The following ACSS1 variants were observed in gnomAD, a reference collection of about 807,000 sequenced individuals.
ACSS1 encodes the protein acyl-CoA synthetase short chain family member 1.
In ACSS1, 42 loss-of-function variants were observed where a neutral mutation model predicts 75.3. The ratio of observed to expected loss-of-function variants is 0.56; its 90% CI spans 0.44 to 0.72. ACSS1 has a LOEUF of 0.72. ACSS1 is among the 30% of genes least tolerant of loss of function. The pLI, the probability that ACSS1 is intolerant of heterozygous loss-of-function variation, is 0.00. For missense variants in ACSS1, 782 were observed against 935.7 expected, an observed-to-expected ratio of 0.84 and a Z score of 2.14; for synonymous variants, 380 against 376.8, an observed-to-expected ratio of 1.01 and a Z score of -0.10.
chr20:25,010,023 C>A (rs1296437819), intron 12 of ACSS1: 1 of 152,606 alleles, frequency 6.6e-6, no homozygotes, highest in South Asian at 2.1e-4. Context: ...TTTTTCAGTA[C>A]CCTGGCATGT....
chr20:25,037,777 T>A (rs1280849614), intron 2 of ACSS1, among the ~76,000 whole-genome samples: 1 of 152,238 alleles, frequency 6.6e-6, no homozygotes, highest in African/African-American at 2.4e-5. Context: ...ACGCAAAGCA[T>A]GGATGGCCAG....
intron 10 of ACSS1, 148 bp from the exon 11 acceptor site, chr20:25,013,087 T>A: frequency 8.1e-7 from 1 of 1,240,232 alleles, no homozygotes; most frequent in Non-Finnish European, 1.1e-6. Flanking sequence ...CCCTATGTTC[T>A]AGAGCATGGG....
chr20:25,042,758 C>T (rs1323066060), intron 2 of ACSS1, among the ~76,000 whole-genome samples: 1 of 152,134 alleles, frequency 6.6e-6, no homozygotes, highest in Non-Finnish European at 1.5e-5. Context: ...CACCCACTCT[C>T]GGCCCCAGCA....
At chr20:25,046,904 G>C in intron 2 of ACSS1, 1 of 779,692 alleles carries the variant, frequency 1.3e-6, no homozygotes, top group Non-Finnish European at 2.4e-6. Context: ...TGTATAGGCT[G>C]TGAGTCTGGC....
chr20:25,006,476 C>T lies in ACSS1; in HGVS notation c.*1286G>A. ...CACCACCTCCTGGGCTTCACAGGTT[C>T]ACTCACCCAAGAGGCCAGCACAACC... On this transcript the variant is annotated 3_prime_UTR_variant, in exon 14 of 14. Coordinates refer to ENST00000323482, the MANE Select transcript of ACSS1 (RefSeq NM_032501.4). The T allele has an allele frequency of 4.6e-6, 1 of 215,480 alleles. No homozygotes were observed. Among genetic ancestry groups the T allele is most frequent in the Admixed American group, 5.1e-5 (1 of 19,452 alleles). The allele number at this position is 215,480 out of a possible 1,614,324, so 13.3% of individuals were successfully genotyped here. A position where few individuals can be genotyped will look rare whatever the true frequency, so the allele number is the denominator to read the frequency against.
intron 13 of ACSS1, 86 bp downstream of exon 13, chr20:25,009,184 G>A (rs2088363895): frequency 3.3e-6 from 4 of 1,198,438 alleles, no homozygotes; most frequent in East Asian, 4.7e-5. Context: ...TTGGAAAAGA[G>A]TAATATGCTC....
At chr20:25,053,947 G>A (rs1304088011) in intron 1 of ACSS1, among the ~76,000 whole-genome samples, 1 of 152,212 alleles carries the variant, frequency 6.6e-6, no homozygotes, top group African/African-American at 2.4e-5. Flanking sequence ...CTGACATCTT[G>A]AGTTGATATG....
intron 3 of ACSS1, among the ~76,000 whole-genome samples, chr20:25,030,078 G>C (rs975984014): frequency 6.6e-5 from 10 of 152,288 alleles, no homozygotes; most frequent in African/African-American, 2.2e-4. Context: ...ACAGGAGTCT[G>C]AGAACTCTAC....
At chr20:25,012,393 A>G in intron 12 of ACSS1, 1 of 626,958 alleles carries the variant, frequency 1.6e-6, no homozygotes, top group Non-Finnish European at 2.8e-6. Flanking sequence ...AAAGGACAGC[A>G]GAACCAGGGC....
rs1255663951 is a variant in ACSS1 at position 25,058,028 on chromosome 20, C to T, written c.75G>A (p.Ala25=). ...GCGCGCTCACCCCGCACGGCGGCCG[C>T]GCGGGCTGCCCCGAGAGCCCTCGCA... The part of the protein sequence containing the change: ...GSLRGLSGQP[A]RPPCGVSAPR... The change falls in exon 1 of 14, where the codon GCG becomes GCA. Residue 25 remains alanine, a synonymous_variant. Transcript: ENST00000323482. 12 of 1,381,832 alleles carry T rather than the reference C, an allele frequency of 8.7e-6. 1 individual carries two copies. Among genetic ancestry groups the T allele is most frequent in the African/African-American group, 4.6e-5 (3 of 65,420 alleles). 85.6% of individuals were successfully genotyped at this position (1,381,832 alleles called of 1,614,324 possible).
chr20:25,056,401 T>C (rs1057131087), intron 1 of ACSS1, among the ~76,000 whole-genome samples: 4 of 152,194 alleles, frequency 2.6e-5, no homozygotes, highest in Admixed American at 6.5e-5. Context: ...AAAACACTTA[T>C]CTAGTAAGTG....
intron 1 of ACSS1, among the ~76,000 whole-genome samples, chr20:25,053,060 C>CTTTTTTT (rs1171891974): frequency 5.9e-5 from 7 of 118,130 alleles, no homozygotes; most frequent in Middle Eastern, 4.5e-3. Flanking sequence ...TCACAATGAG[C>CTTTTTTT]TTTTTTTTTT....
chr20:25,032,360 C>T, intron 2 of ACSS1: 2 of 1,349,212 alleles, frequency 1.5e-6, no homozygotes, highest in African/African-American at 1.5e-5. Flanking sequence ...GCGAGAGCCG[C>T]CAACTTGCCG....
At chr20:25,015,032 T>C in intron 8 of ACSS1, 106 bp downstream of exon 8, 4 of 966,262 alleles carry the variant, frequency 4.1e-6, no homozygotes, top group Non-Finnish European at 4.5e-6. Flanking sequence ...CGTTGAAGCG[T>C]CTTCTATCGC....
chr20:25,052,250 G>A (rs761666208), intron 1 of ACSS1, among the ~76,000 whole-genome samples: 3 of 152,186 alleles, frequency 2.0e-5, no homozygotes, highest in Non-Finnish European at 2.9e-5. Context: ...AAAAAAATCT[G>A]CCCAAAGAAA....
chr20:25,032,433 T>C, intron 2 of ACSS1: 1 of 1,390,236 alleles, frequency 7.2e-7, no homozygotes, highest in Non-Finnish European at 9.4e-7. Flanking sequence ...TTTCGGCGCC[T>C]CATCCCTCTG....
At chr20:25,049,693 C>T (rs1044062768) in intron 1 of ACSS1, among the ~76,000 whole-genome samples, 3 of 152,150 alleles carry the variant, frequency 2.0e-5, no homozygotes, top group Non-Finnish European at 4.4e-5. Context: ...AGAGCCTCCA[C>T]GGAGACAGCG....
At chr20:25,023,230 T>A in intron 4 of ACSS1, 138 bp from the exon 5 acceptor site, 1 of 1,242,874 alleles carries the variant, frequency 8.0e-7, no homozygotes, top group Non-Finnish European at 1.1e-6. Context: ...ATTCCAAATG[T>A]GGAAAGGACA....
rs775366700 is a variant in ACSS1, at chr20:25,057,896, C to T, written c.207G>A (p.Pro69=). ...PALSAQAARE[P]AAFWGPLARD... ...GCGCCAGAGGCCCCCAGAAGGCGGC[C>T]GGCTCCCGGGCTGCCTGTGCACTCA... The change falls in exon 1 of 14, where the codon CCG becomes CCA. Residue 69 remains proline (P), a synonymous_variant. Transcript: ENST00000323482. The T allele has an allele frequency of 2.5e-6, 4 of 1,612,188 alleles. No homozygotes were observed. The African/African-American group carries it at 4.0e-5, about 16-fold the overall frequency.
Sources: allele counts gnomAD v4.1 joint callset (sites outside exome capture counted in the v4.1 genomes callset), GRCh38; gene constraint gnomAD v4.1.1; transcripts MANE v1.5; gene names NCBI Gene and HGNC (gene_info 2026-07-23, HGNC 2026-07-21).